The following GPC2 variants were observed in gnomAD, a reference collection of about 807,000 sequenced individuals.
GPC2 encodes glypican 2.
A neutral mutation model predicts 57.3 loss-of-function variants in GPC2; 42 were observed. The ratio of observed to expected loss-of-function variants is 0.73; its 90% CI spans 0.57 to 0.95. The LOEUF (loss-of-function observed/expected upper bound fraction) is 0.95, where lower values mean the gene tolerates loss of function less well. Ranked by LOEUF, GPC2 falls within the 40% of genes least tolerant of loss-of-function variation. GPC2 has a pLI of 0.00. For missense variants in GPC2, 745 were observed against 793.6 expected (o/e 0.94, Z 0.74); for synonymous variants, 364 against 343.4 (o/e 1.06, Z -0.66).
At chr7:100,170,962 G>T in intron 9 of GPC2, 1 of 356,532 alleles carries the variant, frequency 2.8e-6, no homozygotes, top group Middle Eastern at 7.4e-4. Flanking sequence ...TGGCTTCCCA[G>T]CCTCCCCCAA....
chr7:100,177,038 G>C lies in GPC2; in HGVS notation c.162C>G (p.Ile54Met), dbSNP rs1021836457. The change falls in exon 1 of 10, where the codon ATC becomes ATG. Residue 54 changes from isoleucine to methionine, a missense_variant. Ile to Met is a conservative substitution (Grantham distance 10, BLOSUM62 1). Coordinates refer to ENST00000292377, the MANE Select transcript of GPC2 (RefSeq NM_152742.3). ...AGTCTTCCTCTTTCTCCTCACCTGA[G>C]ATCAGGGCGGGAGGGATTAGGTTTA... ...YSLNLIPPAL[I>M]SGEHLRVCPQ... The C allele has an allele frequency of 3.2e-6, 5 of 1,580,938 alleles. No homozygotes were observed. The African/African-American group carries it at 7.0e-5, about 22-fold the overall frequency.
rs771055519 is a variant in GPC2, at chr7:100,177,058, G to A, written c.142C>T (p.Leu48=). 1.2e-6 allele frequency: 2 copies of A among 1,610,954 alleles called. No homozygotes were observed. Among genetic ancestry groups the A allele is most frequent in the South Asian group, 1.1e-5 (1 of 90,666 alleles). The change falls in exon 1 of 10, where the codon CTA becomes TTA. Residue 48 remains leucine, a synonymous_variant. Coordinates refer to ENST00000292377, the MANE Select transcript of GPC2 (RefSeq NM_152742.3). The part of the protein sequence containing the change: ...VLGARGYSLN[L]IPPALISGEH... Reference sequence around the variant, plus strand: ...CCTGAGATCAGGGCGGGAGGGATTAGGTTTAAGCTATATCCCCGGGCCCCC... The same window carrying A: ...CCTGAGATCAGGGCGGGAGGGATTAAGTTTAAGCTATATCCCCGGGCCCCC...
At position 100,170,069 on chromosome 7, in the gene GPC2, C is replaced by T. The variant is rs947207791; in HGVS notation, c.*161G>A. 3.3e-6 allele frequency: 2 copies of T among 603,430 alleles called. No individual in the cohort carries two copies. Among genetic ancestry groups the T allele is most frequent in the African/African-American group, 3.8e-5 (2 of 52,674 alleles). 37.4% of individuals were successfully genotyped at this position (603,430 alleles called of 1,614,324 possible). On this transcript the variant is annotated 3_prime_UTR_variant, in exon 10 of 10. Transcript: ENST00000292377. ...ATAAATATTGTGAACACCCACCCAC[C>T]TCTGATGAAAATCTCCTGGATTTGG...
rs773483944 is a variant in GPC2 at position 100,176,206 on chromosome 7, C to T, written c.325+1G>A. ...TGAGTTTGGGGACCCCAGGTCCTCACCATCAAATTTTCTGTGCCTGGCAGC... is the reference window on the plus strand; with the variant it reads ...TGAGTTTGGGGACCCCAGGTCCTCATCATCAAATTTTCTGTGCCTGGCAGC... On this transcript the variant is annotated splice_donor_variant, in intron 2 of 9. Transcript: ENST00000292377. LOFTEE classifies it high-confidence loss of function. The T allele has an allele frequency of 5.6e-6, 9 of 1,603,408 alleles. No homozygotes were observed. The highest frequency in any genetic ancestry group is 7.7e-6 in the Non-Finnish European group (9 of 1,174,564).
In GPC2 at chr7:100,170,631, T is replaced by C. The variant is rs1259452589; in HGVS notation, c.1487-148A>G. 8.3e-5 allele frequency: 54 copies of C among 653,686 alleles called. No individual in the cohort carries two copies. The East Asian group carries it at 1.7e-3, about 21-fold the overall frequency. 40.5% of individuals were successfully genotyped at this position (653,686 alleles called of 1,614,324 possible). A position where few individuals can be genotyped will look rare whatever the true frequency, so the allele number is the denominator to read the frequency against. The stretch of plus-strand genomic sequence containing the variant: ...CGGGTTGGGGAAGGGAGAAAGACCA[T>C]GAGTGACAGGAAGGCAGGGAGAGAA... On this transcript the variant is annotated intron_variant, in intron 9 of 9. Coordinates refer to ENST00000292377, the MANE Select transcript of GPC2 (RefSeq NM_152742.3).
rs1034069056 is a variant in GPC2 at position 100,177,321 on chromosome 7, G to A, written c.-122C>T. ...CGGGCCAGAGAAAGAGCGCTGCTCC[G>A]GAAAACTGAATACCGAGCACGATAG... On this transcript the variant is annotated 5_prime_UTR_variant, in exon 1 of 10. Transcript: ENST00000292377. 13 of 825,522 alleles carry A rather than the reference G, an allele frequency of 1.6e-5. No homozygotes were observed. Among genetic ancestry groups the A allele is most frequent in the Non-Finnish European group, 2.4e-5 (13 of 551,342 alleles). The allele number at this position is 825,522 out of a possible 1,614,324, so 51.1% of individuals were successfully genotyped here.
intron 5 of GPC2, 32 bp from the exon 6 acceptor site, chr7:100,172,249 G>C: frequency 6.2e-7 from 1 of 1,609,204 alleles, no homozygotes; most frequent in Non-Finnish European, 8.5e-7. Context: ...GAAAGGATGG[G>C]ATGAGTGGTG....
rs537898506 is a variant in GPC2 at position 100,172,735 on chromosome 7, G to GTA, written c.893-520_893-519dup. On this transcript the variant is annotated intron_variant, in intron 5 of 9. Coordinates refer to ENST00000292377, the MANE Select transcript of GPC2 (RefSeq NM_152742.3). ...TGTATATATACACGTATATATATGTGTATATATATGTGTGTATATATATGT... is the reference window on the plus strand; with the variant it reads ...TGTATATATACACGTATATATATGTGTATATATATATGTGTGTATATATATGT... Among the ~76,000 whole-genome samples, 535 of 134,702 alleles carry GTA rather than the reference G, an allele frequency of 4.0e-3. 4 individuals carry two copies. Among genetic ancestry groups the GTA allele is most frequent in the African/African-American group, 0.015 (508 of 34,232 alleles). The allele number at this position is 134,702 out of a possible 152,430, so 88.4% of individuals were successfully genotyped here. A position where few individuals can be genotyped will look rare whatever the true frequency, so the allele number is the denominator to read the frequency against.
At position 100,170,040 on chromosome 7, in the gene GPC2, A is replaced by C; in HGVS notation, c.*190T>G. The C allele has an allele frequency of 4.1e-6, 2 of 482,376 alleles. No individual in the cohort carries two copies. Among genetic ancestry groups the C allele is most frequent in the Non-Finnish European group, 7.2e-6 (2 of 277,232 alleles). The allele number at this position is 482,376 out of a possible 1,614,324, so 29.9% of individuals were successfully genotyped here. ...AGGCCCCCCTCCCATTACCAAATGA[A>C]AAAATAAATATTGTGAACACCCACC... On this transcript the variant is annotated 3_prime_UTR_variant, in exon 10 of 10. Transcript: ENST00000292377.
In GPC2 at chr7:100,171,151, G is replaced by A; in HGVS notation, c.1486+110C>T. On this transcript the variant is annotated intron_variant, in intron 9 of 9. Transcript: ENST00000292377. This position sits in a 1 kb window ranked among gnomAD's most constrained non-coding sequence, Gnocchi z 4.8. ...ATAAATGCTCGTTGAATGAATTAGT[G>A]AATTAATCAATGAACGCTAAGAGCA... The A allele has an allele frequency of 1.0e-6, 1 of 961,584 alleles. No individual in the cohort carries two copies. The highest frequency in any genetic ancestry group is 1.5e-6 in the Non-Finnish European group (1 of 679,888). 59.6% of individuals were successfully genotyped at this position (961,584 alleles called of 1,614,324 possible). A position where few individuals can be genotyped will look rare whatever the true frequency, so the allele number is the denominator to read the frequency against.
intron 5 of GPC2, among the ~76,000 whole-genome samples, chr7:100,172,465 A>ATTTTTTTTTTTTTTT (rs766292878): frequency 7.1e-6 from 1 of 140,176 alleles, no homozygotes; most frequent in Non-Finnish European, 1.6e-5. Context: ...GGATTTTAGG[A>ATTTTTTTTTTTTTTT]TTTTTTTTTT....
Position 100,171,921 on chromosome 7 carries a change from A to C in GPC2, c.1028T>G (p.Phe343Cys), listed in dbSNP as rs1289570006. Residue 343 changes from phenylalanine to cysteine, a missense_variant, in exon 7 of 10, where the codon TTT becomes TGT. By Grantham distance (205) the Phe-to-Cys change is radical (BLOSUM62 -2). Transcript: ENST00000292377. The surrounding 1 kb of genome is among the most constrained non-coding windows in gnomAD (Gnocchi z 4.8). The part of the protein sequence containing the change: ...ENSAKVSAQV[F>C]QECGPPDPVP... ...CGGGTCGGGGGGGCCGCACTCCTGA[A>C]ACACCTGCGGCACCGGGAAGAGACC... The C allele has an allele frequency of 6.7e-7, 1 of 1,503,360 alleles. No homozygotes were observed. Among genetic ancestry groups the C allele is most frequent in the Non-Finnish European group, 8.8e-7 (1 of 1,130,480 alleles). 93.1% of individuals were successfully genotyped at this position (1,503,360 alleles called of 1,614,324 possible). A position where few individuals can be genotyped will look rare whatever the true frequency, so the allele number is the denominator to read the frequency against.
rs3757451 is a variant in GPC2 at position 100,175,181 on chromosome 7, G to A, written c.648+391C>T. ...CACAGGGTTATGATGACAACTAAAT[G>A]TGATACTATAAAAGAAAATGCCTTT... On this transcript the variant is annotated intron_variant, in intron 3 of 9. Transcript: ENST00000292377. Among the ~76,000 whole-genome samples the A allele has an allele frequency of 5.3e-5, 8 of 152,298 alleles. No individual in the cohort carries two copies. In the East Asian group the frequency reaches 1.3e-3, roughly 26 times the overall value.
At chr7:100,176,123 T>A in intron 2 of GPC2, 84 bp downstream of exon 2, 1 of 1,319,332 alleles carries the variant, frequency 7.6e-7, no homozygotes, top group Non-Finnish European at 1.0e-6. Context: ...ACAGATGGAG[T>A]AAGGAGTGGG....
Position 100,171,316 on chromosome 7 carries a change from GGCCGCCCGGAGCTGTA to G in GPC2, c.1415_1430del (p.Leu472ProfsTer5). On this transcript the variant is annotated frameshift_variant, in exon 9 of 10. Transcript: ENST00000292377. LOFTEE classifies it high-confidence loss of function. This position sits in a 1 kb window ranked among gnomAD's most constrained non-coding sequence, Gnocchi z 4.8. ...GTGCGGCCGTTTTCATTCTGGCCGT[GGCCGCCCGGAGCTGTA>G]GCCGACGCCGCCGTGTCGGGACATC... 1 of 1,544,184 alleles carries G rather than the reference GGCCGCCCGGAGCTGTA, an allele frequency of 6.5e-7. No homozygotes were observed. The highest frequency in any genetic ancestry group is 1.2e-5 in the South Asian group (1 of 83,892).
rs1419884592 is a variant in GPC2 at position 100,171,697 on chromosome 7, G to A, written c.1171-19C>T. 4.1e-6 allele frequency: 6 copies of A among 1,480,316 alleles called. No individual in the cohort carries two copies. Among genetic ancestry groups the A allele is most frequent in the Non-Finnish European group, 5.3e-6 (6 of 1,125,628 alleles). 91.7% of individuals were successfully genotyped at this position (1,480,316 alleles called of 1,614,324 possible). A position where few individuals can be genotyped will look rare whatever the true frequency, so the allele number is the denominator to read the frequency against. On this transcript the variant is annotated intron_variant, in intron 7 of 9. Transcript: ENST00000292377. The surrounding 1 kb of genome is among the most constrained non-coding windows in gnomAD (Gnocchi z 4.8). ...CCCACACCTGGGCGGGCGAGAGGGG[G>A]CGGGGCGAGCTGGAGCGCGACCCCC...
Position 100,175,620 on chromosome 7 carries a change from A to G in GPC2, c.600T>C (p.Asp200=), listed in dbSNP as rs1280468036. 5 of 1,613,878 alleles carry G rather than the reference A, an allele frequency of 3.1e-6. No homozygotes were observed. Among genetic ancestry groups the G allele is most frequent in the Admixed American group, 1.7e-5 (1 of 59,974 alleles). ...AGTCCCCAAAGGGCTGCAGAGAGCC[A>G]TCGGTAGATGAGGCCAAGCGTGAGA... The part of the protein sequence containing the change: ...LCLSRLASST[D]GSLQPFGDSP... Residue 200 remains aspartate (D), a synonymous_variant, in exon 3 of 10, where the codon GAT becomes GAC. Transcript: ENST00000292377.
chr7:100,174,811 G>C lies in GPC2; in HGVS notation c.649-46C>G. The C allele has an allele frequency of 2.8e-6, 4 of 1,449,940 alleles. 1 individual carries two copies. In the South Asian group the frequency reaches 4.6e-5, roughly 17 times the overall value. 89.8% of individuals were successfully genotyped at this position (1,449,940 alleles called of 1,614,324 possible). ...TGAGAAAAACCACAAGGTTGTTATG[G>C]GTCAGTCAAGACTGGAGCCAAGAGA... On this transcript the variant is annotated intron_variant, in intron 3 of 9. Coordinates refer to ENST00000292377, the MANE Select transcript of GPC2 (RefSeq NM_152742.3).
chr7:100,170,131 C>G lies in GPC2; in HGVS notation c.*99G>C. On this transcript the variant is annotated 3_prime_UTR_variant, in exon 10 of 10. Transcript: ENST00000292377. ...TTCACCTGCAAAGTCCCTTCTCTACCCTCTCTGCAGCCCCCTTCGACTCCT... is the reference window on the plus strand; with the variant it reads ...TTCACCTGCAAAGTCCCTTCTCTACGCTCTCTGCAGCCCCCTTCGACTCCT... 1 of 1,288,862 alleles carries G rather than the reference C, an allele frequency of 7.8e-7. No homozygotes were observed. Among genetic ancestry groups the G allele is most frequent in the Non-Finnish European group, 1.0e-6 (1 of 962,162 alleles). The allele number at this position is 1,288,862 out of a possible 1,614,324, so 79.8% of individuals were successfully genotyped here.
Sources: allele counts gnomAD v4.1 joint callset (sites outside exome capture counted in the v4.1 genomes callset), GRCh38; gene constraint gnomAD v4.1.1; non-coding constraint Gnocchi (gnomAD v3.1); transcripts MANE v1.5; gene names NCBI Gene and HGNC (gene_info 2026-07-23, HGNC 2026-07-21).